ERGIC2: variants seen among roughly 807,000 people sequenced by gnomAD.
ERGIC2 encodes ERGIC and golgi 2.
In ERGIC2, 31 loss-of-function variants were observed where a neutral mutation model predicts 52.5. The observed-to-expected ratio is 0.59, with a 90% CI of 0.44 to 0.80. The LOEUF (loss-of-function observed/expected upper bound fraction) is 0.80, where lower values mean the gene tolerates loss of function less well. Among genes scored for constraint, ERGIC2 ranks in the 30% least tolerant of loss-of-function variants. The pLI is 0.00. For synonymous variants in ERGIC2, 129 were observed against 140.6 expected (o/e 0.92, Z 0.58); for missense variants, 395 against 455.2 (o/e 0.87, Z 1.20).
At chr12:29,341,630 C>T (rs1196305957) in intron 13 of ERGIC2, 104 bp downstream of exon 13, 2 of 679,470 alleles carry the variant, frequency 2.9e-6, no homozygotes, top group Admixed American at 4.8e-5. Flanking sequence ...GCCTTAGCCT[C>T]CCAAAGTCTT....
At chr12:29,366,629 T>G (rs1021724965) in intron 5 of ERGIC2, among the ~76,000 whole-genome samples, 2 of 151,596 alleles carry the variant, frequency 1.3e-5, no homozygotes, top group Admixed American at 1.3e-4. Context: ...TTAAAAAAGG[T>G]TATAAAACAG....
Position 29,371,053 on chromosome 12 carries a change from T to C in ERGIC2, c.106+475A>G, listed in dbSNP as rs1288223622. On this transcript the variant is annotated intron_variant, in intron 2 of 13. Coordinates refer to ENST00000360150, the MANE Select transcript of ERGIC2 (RefSeq NM_016570.3). ...ATAGGGAAAGAAATTATACTGAATATTGTTATAGTCACACATTTTTCTTAT... is the reference window on the plus strand; with the variant it reads ...ATAGGGAAAGAAATTATACTGAATACTGTTATAGTCACACATTTTTCTTAT... Among the ~76,000 whole-genome samples the C allele has an allele frequency of 5.9e-5, 9 of 152,264 alleles. No homozygotes were observed. In the East Asian group the frequency reaches 1.4e-3, roughly 23 times the overall value.
chr12:29,343,183 T>C lies in ERGIC2; in HGVS notation c.925A>G (p.Met309Val). Reference protein sequence around the residue: ...SLMVTVTEEHMPFWQFFVRLC... With the variant: ...SLMVTVTEEHVPFWQFFVRLC... ...CTTACAAAAAACTGCCAGAATGGCATGTGCTCCTCAGTAACTGTCACCATA... is the reference window on the plus strand; with the variant it reads ...CTTACAAAAAACTGCCAGAATGGCACGTGCTCCTCAGTAACTGTCACCATA... The change falls in exon 12 of 14, where the codon ATG becomes GTG. Residue 309 changes from methionine to valine, a missense_variant. Transcript: ENST00000360150. 2 of 1,611,642 alleles carry C rather than the reference T, an allele frequency of 1.2e-6. No homozygotes were observed. Among genetic ancestry groups the C allele is most frequent in the South Asian group, 1.1e-5 (1 of 90,730 alleles).
At chr12:29,370,264 T>TA in intron 2 of ERGIC2, 42 bp from the exon 3 acceptor site, 3 of 1,500,802 alleles carry the variant, frequency 2.0e-6, no homozygotes, top group Non-Finnish European at 1.8e-6. Flanking sequence ...ATTAAAACAA[T>TA]AAAAAAAGCA....
chr12:29,356,625 AGAC>A, intron 7 of ERGIC2, 148 bp from the exon 8 acceptor site: 1 of 482,750 alleles, frequency 2.1e-6, no homozygotes, highest in African/African-American at 2.0e-5. Context: ...CCTGAAGTCT[AGAC>A]ATTTATAAAA....
At chr12:29,372,819 C>T (rs1480760544) in intron 1 of ERGIC2, 1 of 152,054 alleles carries the variant, frequency 6.6e-6, no homozygotes, top group African/African-American at 2.4e-5. Context: ...CCACCCCCAG[C>T]TAATTTTTGT....
Position 29,343,149 on chromosome 12 carries a change from C to T in ERGIC2, c.959G>A (p.Gly320Asp), listed in dbSNP as rs766546533. The T allele has an allele frequency of 6.2e-7, 1 of 1,609,848 alleles. No homozygotes were observed. The highest frequency in any genetic ancestry group is 1.7e-5 in the Admixed American group (1 of 59,702). ...PFWQFFVRLC[G>D]IVGGIFSTTG... ...TGTTGAAAAGATTCCTCCAACAATA[C>T]CACAGAGTCTTACAAAAAACTGCCA... The change falls in exon 12 of 14, where the codon GGT (glycine) becomes GAT (aspartate). Residue 320 changes from glycine to aspartate, a missense_variant. Coordinates refer to ENST00000360150, the MANE Select transcript of ERGIC2 (RefSeq NM_016570.3).
chr12:29,366,453 T>C (rs186065826), intron 5 of ERGIC2, among the ~76,000 whole-genome samples: 1 of 152,032 alleles, frequency 6.6e-6, no homozygotes, highest in Admixed American at 6.6e-5. Context: ...TTATTCTTGA[T>C]TGTAAGAGAA....
intron 8 of ERGIC2, among the ~76,000 whole-genome samples, chr12:29,355,049 C>A (rs1940183600): frequency 6.6e-6 from 1 of 152,072 alleles, no homozygotes; most frequent in Non-Finnish European, 1.5e-5. Context: ...CTAATGTTAT[C>A]TCTATATGTA....
intron 5 of ERGIC2, among the ~76,000 whole-genome samples, 157 bp downstream of exon 5, chr12:29,366,720 T>A (rs1591997396): frequency 1.3e-5 from 2 of 151,982 alleles, no homozygotes; most frequent in Admixed American, 1.3e-4. Flanking sequence ...ACTTTTCTGT[T>A]TTTCCCCCTA....
At chr12:29,352,042 T>C (rs1050682944) in intron 8 of ERGIC2, among the ~76,000 whole-genome samples, 1 of 152,130 alleles carries the variant, frequency 6.6e-6, no homozygotes, top group Admixed American at 6.6e-5. Context: ...ACATTTGAAG[T>C]CCATATTTCT....
chr12:29,371,610 T>G lies in ERGIC2; in HGVS notation c.24A>C (p.Lys8Asn). 1 of 1,613,494 alleles carries G rather than the reference T, an allele frequency of 6.2e-7. No homozygotes were observed. The highest frequency in any genetic ancestry group is 8.5e-7 in the Non-Finnish European group (1 of 1,179,688). MRRLNRK[K>N]TLSLVKELDA... ...CCAACTCTTTTACCAAACTTAAAGT[T>G]TTTTTCCGATTCAGTCGCCTCATCT... is the stretch of plus-strand genomic sequence containing the variant. The change falls in exon 2 of 14, where the codon AAA becomes AAC. Residue 8 changes from lysine (K) to asparagine (N), a missense_variant. By Grantham distance (94) the Lys-to-Asn change is moderately conservative. Coordinates refer to ENST00000360150, the MANE Select transcript of ERGIC2 (RefSeq NM_016570.3).
intron 8 of ERGIC2, among the ~76,000 whole-genome samples, chr12:29,354,339 C>T (rs774449975): frequency 1.5e-4 from 23 of 152,118 alleles, no homozygotes; most frequent in Non-Finnish European, 2.5e-4. Context: ...ATCTCATCAA[C>T]GGAAATGTCA....
intron 4 of ERGIC2, among the ~76,000 whole-genome samples, chr12:29,367,773 T>C (rs10128781): frequency 0.38 from 58,175 of 151,680 alleles, 12,733 homozygotes; most frequent in African/African-American, 0.61. Flanking sequence ...TCCACTTCTA[T>C]TAGTATAACC....
At chr12:29,371,468 T>C (rs375673678) in intron 2 of ERGIC2, 60 bp downstream of exon 2, 1 of 1,091,064 alleles carries the variant, frequency 9.2e-7, no homozygotes. Flanking sequence ...TATATGTTGT[T>C]GACTGGATCA....
intron 2 of ERGIC2, among the ~76,000 whole-genome samples, chr12:29,370,969 C>A (rs1688774997): frequency 6.6e-6 from 1 of 152,078 alleles, no homozygotes; most frequent in South Asian, 2.1e-4. Flanking sequence ...CAACTTATTA[C>A]CCATTTTACC....
At chr12:29,357,100 G>A (rs537698089) in intron 7 of ERGIC2, among the ~76,000 whole-genome samples, 1 of 151,988 alleles carries the variant, frequency 6.6e-6, no homozygotes, top group African/African-American at 2.4e-5. Flanking sequence ...CCAAGTAGCT[G>A]GGACTGCATA....
chr12:29,341,226 G>T lies in ERGIC2; in HGVS notation c.1072-8C>A. On this transcript the variant is annotated splice_region_variant and splice_polypyrimidine_tract_variant and intron_variant, in intron 13 of 13. Coordinates refer to ENST00000360150, the MANE Select transcript of ERGIC2 (RefSeq NM_016570.3). ...GCCATCCTCAAAAGGAACCTAAGGA[G>T]AAAAGGAGGGAAAAAAAGACCAAAG... 6.3e-7 allele frequency: 1 copy of T among 1,598,802 alleles called. No homozygotes were observed. The highest frequency in any genetic ancestry group is 8.5e-7 in the Non-Finnish European group (1 of 1,170,060).
chr12:29,343,104 G>C lies in ERGIC2; in HGVS notation c.988+16C>G. 6.4e-7 allele frequency: 1 copy of C among 1,559,486 alleles called. No homozygotes were observed. ...AACACTTTCAGAAATTAGACAAAAAGGAAATGGTTGTTAACCTGTTGTTGA... is the reference window on the plus strand; with the variant it reads ...AACACTTTCAGAAATTAGACAAAAACGAAATGGTTGTTAACCTGTTGTTGA... On this transcript the variant is annotated intron_variant, in intron 12 of 13. Transcript: ENST00000360150.
Sources: allele counts gnomAD v4.1 joint callset (sites outside exome capture counted in the v4.1 genomes callset), GRCh38; gene constraint gnomAD v4.1.1; transcripts MANE v1.5; gene names NCBI Gene and HGNC (gene_info 2026-07-23, HGNC 2026-07-21).